Variants in LARGE1 observed in about 807,000 individuals in gnomAD.
LARGE1 encodes the protein xylosyl- and glucuronyltransferase LARGE1.
LARGE1 carries 43 observed loss-of-function variants against 87.6 expected under a neutral mutation model. The ratio of observed to expected loss-of-function variants is 0.49; its 90% confidence interval spans 0.38 to 0.63. LARGE1 has a LOEUF of 0.63. LARGE1 is among the 30% of genes least tolerant of loss of function. The pLI, the probability that LARGE1 is intolerant of heterozygous loss-of-function variation, is 0.00. For synonymous variants in LARGE1, 434 were observed against 394.6 expected, an observed-to-expected ratio of 1.10 and a Z score of -1.18; for missense variants, 802 against 1,000.2, an observed-to-expected ratio of 0.80 and a Z score of 2.67.
chr22:33,522,656 C>A (rs993208717), intron 6 of LARGE1, among the ~76,000 whole-genome samples: 1 of 151,940 alleles, frequency 6.6e-6, no homozygotes, highest in Non-Finnish European at 1.5e-5. Flanking sequence ...CATGGTGAAA[C>A]CCCATCTGTA....
At chr22:33,276,745 C>G in intron 14 of LARGE1, among the ~76,000 whole-genome samples, 1 of 152,194 alleles carries the variant, frequency 6.6e-6, no homozygotes, top group Non-Finnish European at 1.5e-5. Flanking sequence ...TTACGTGACT[C>G]AAAGACCAAG....
At chr22:33,374,920 C>T (rs982335508) in intron 9 of LARGE1, among the ~76,000 whole-genome samples, 30 of 151,446 alleles carry the variant, frequency 2.0e-4, no homozygotes, top group African/African-American at 7.2e-4. Flanking sequence ...TTATCCACAG[C>T]TATTGTTTTG....
chr22:33,909,225 T>C (rs939116942), intron 1 of LARGE1, among the ~76,000 whole-genome samples: 2 of 152,278 alleles, frequency 1.3e-5, no homozygotes, highest in African/African-American at 4.8e-5. Context: ...CAGACTTCCA[T>C]ATCAAGCAAA....
rs1044719319 is a variant in LARGE1 at position 33,779,157 on chromosome 22, G to C, written c.-82-17599C>G. ...TAAATCTCTTCGCTCTGCATACATG[G>C]GATTTATCTTTGTTATTATTAATGA... On this transcript the variant is annotated intron_variant, in intron 1 of 14. Coordinates refer to ENST00000397394, the MANE Select transcript of LARGE1 (RefSeq NM_133642.5). Among the ~76,000 whole-genome samples the C allele has an allele frequency of 3.3e-5, 5 of 152,014 alleles. No homozygotes were observed. In the East Asian group the frequency reaches 9.6e-4, roughly 29 times the overall value.
chr22:33,507,241 G>A (rs2070809937), intron 6 of LARGE1, among the ~76,000 whole-genome samples: 1 of 152,198 alleles, frequency 6.6e-6, no homozygotes, highest in South Asian at 2.1e-4. Flanking sequence ...TATGCTGTTT[G>A]CTTCAGAAAG....
intron 12 of LARGE1, among the ~76,000 whole-genome samples, chr22:33,296,573 T>C (rs575155382): frequency 1.3e-5 from 2 of 150,324 alleles, no homozygotes; most frequent in African/African-American, 4.9e-5. Context: ...TCTTTTCTTT[T>C]TTTTTTTTTT....
chr22:33,074,798 G>A, the LARGE1 span, among the ~76,000 whole-genome samples: 1 of 152,196 alleles, frequency 6.6e-6, no homozygotes, highest in African/African-American at 2.4e-5. Flanking sequence ...GGAAGTAAGT[G>A]AAGGGGGTCC....
At position 33,330,242 on chromosome 22, in the gene LARGE1, C is replaced by T. The variant is rs777078233; in HGVS notation, c.1287+7404G>A. Among the ~76,000 whole-genome samples the T allele has an allele frequency of 5.9e-5, 9 of 152,260 alleles. No homozygotes were observed. In the South Asian group the frequency reaches 6.2e-4, roughly 11 times the overall value. On this transcript the variant is annotated intron_variant, in intron 10 of 14. Coordinates refer to ENST00000397394, the MANE Select transcript of LARGE1 (RefSeq NM_133642.5). The stretch of plus-strand genomic sequence containing the variant: ...GTGGAAGGATTCTGAATAGAAAAAA[C>T]GGTAGAGAATAGCTCTGATTATCCA...
chr22:33,606,736 G>A (rs1022016289), intron 4 of LARGE1, among the ~76,000 whole-genome samples: 1 of 152,124 alleles, frequency 6.6e-6, no homozygotes, highest in African/African-American at 2.4e-5. Flanking sequence ...TGGTGAGTCA[G>A]ACATACCCAC....
At chr22:33,202,399 T>A (rs978545599) in intron 11 of LARGE1, among the ~76,000 whole-genome samples, 7 of 152,186 alleles carry the variant, frequency 4.6e-5, no homozygotes, top group Admixed American at 2.6e-4. Context: ...ACGAGAACTG[T>A]CCTTCCTCTC....
chr22:33,837,730 C>T (rs930881725), intron 1 of LARGE1, among the ~76,000 whole-genome samples: 3 of 152,184 alleles, frequency 2.0e-5, no homozygotes, highest in African/African-American at 4.8e-5. Context: ...TGGCCAGAGC[C>T]GGCTCTCAAT....
chr22:33,155,939 G>A, the LARGE1 span, among the ~76,000 whole-genome samples: 2 of 147,558 alleles, frequency 1.4e-5, no homozygotes, highest in East Asian at 2.0e-4. Flanking sequence ...GGTACAGCTC[G>A]GGCTGTTGCT....
rs983623125 is a variant in LARGE1, at chr22:33,909,829, C to T, written c.-83+10166G>A. On this transcript the variant is annotated intron_variant, in intron 1 of 14. Transcript: ENST00000397394. ...CTGGGATTACAGGCATGAGCCACCA[C>T]GCCCGGCCTAACTCACCAACTTCAT... 3.3e-5 allele frequency among the ~76,000 whole-genome samples: 5 copies of T among 152,216 alleles called. 1 individual carries two copies. In the South Asian group the frequency reaches 6.2e-4, roughly 19 times the overall value.
intron 1 of LARGE1, among the ~76,000 whole-genome samples, chr22:33,837,153 C>T (rs767502469): frequency 5.9e-5 from 9 of 151,840 alleles, no homozygotes; most frequent in East Asian, 1.9e-4. Flanking sequence ...GATTGAAATG[C>T]CAAAGGCACA....
intron 7 of LARGE1, among the ~76,000 whole-genome samples, chr22:33,404,887 G>A (rs1168789464): frequency 6.6e-6 from 1 of 152,170 alleles, no homozygotes; most frequent in African/African-American, 2.4e-5. Flanking sequence ...CAGTGGGGGG[G>A]AAGGAAAGTG....
intron 4 of LARGE1, among the ~76,000 whole-genome samples, chr22:33,626,003 G>A (rs940349914): frequency 6.6e-6 from 1 of 152,190 alleles, no homozygotes. Context: ...GATTTGAGGT[G>A]TCCTTTAAGA....
chr22:33,851,448 A>T (rs1016593770), intron 1 of LARGE1, among the ~76,000 whole-genome samples: 1 of 152,188 alleles, frequency 6.6e-6, no homozygotes, highest in South Asian at 2.1e-4. Flanking sequence ...TTATCAAGTG[A>T]CTCAGCTCTC....
chr22:33,884,360 A>G (rs1205648733), intron 1 of LARGE1, among the ~76,000 whole-genome samples: 1 of 152,206 alleles, frequency 6.6e-6, no homozygotes, highest in East Asian at 1.9e-4. Flanking sequence ...GGCATTAACG[A>G]GTGTGCTCTT....
intron 1 of LARGE1, among the ~76,000 whole-genome samples, chr22:33,804,295 A>G (rs1003152767): frequency 9.2e-5 from 14 of 152,184 alleles, no homozygotes; most frequent in African/African-American, 3.1e-4. Flanking sequence ...CGCAGACTTG[A>G]TCTCTAATAG....
Sources: allele counts gnomAD v4.1 joint callset (sites outside exome capture counted in the v4.1 genomes callset), GRCh38; gene constraint gnomAD v4.1.1; transcripts MANE v1.5; gene names NCBI Gene and HGNC (gene_info 2026-07-23, HGNC 2026-07-21).